EPHA6: variants seen among roughly 807,000 people sequenced by gnomAD.
EPHA6 encodes the protein EPH receptor A6, also known as ephrin type-A receptor 6.
Under a neutral mutation model 112.0 loss-of-function variants are expected in EPHA6, and 50 were observed. That is an observed-to-expected ratio of 0.45 (90% CI 0.36 to 0.56). The LOEUF (loss-of-function observed/expected upper bound fraction) is 0.56. EPHA6 is among the 20% of genes least tolerant of loss of function. EPHA6 has a pLI of 0.00. For missense variants in EPHA6, 1,280 were observed against 1,417.4 expected (o/e 0.90, Z 1.56); for synonymous variants, 529 against 490.7 (o/e 1.08, Z -1.03).
At chr3:97,064,524 C>T (rs2046120059) in intron 3 of EPHA6, among the ~76,000 whole-genome samples, 1 of 152,180 alleles carries the variant, frequency 6.6e-6, no homozygotes, top group South Asian at 2.1e-4. Context: ...TATTTTTGTT[C>T]TCTGTAATTT....
chr3:97,503,751 A>G (rs2092180679), intron 10 of EPHA6, among the ~76,000 whole-genome samples: 1 of 152,206 alleles, frequency 6.6e-6, no homozygotes, highest in Non-Finnish European at 1.5e-5. Flanking sequence ...TTCTCATTTT[A>G]TGTTAAGTAT....
intron 3 of EPHA6, among the ~76,000 whole-genome samples, chr3:97,074,246 T>C (rs1463577438): frequency 6.6e-6 from 1 of 152,046 alleles, no homozygotes; most frequent in Non-Finnish European, 1.5e-5. Flanking sequence ...ACTGACATAT[T>C]TGTATACATA....
At chr3:96,823,302 A>G (rs896355150) in intron 1 of EPHA6, among the ~76,000 whole-genome samples, 1 of 151,728 alleles carries the variant, frequency 6.6e-6, no homozygotes. Flanking sequence ...GTAGCTATAA[A>G]CATACCAATG....
At chr3:96,903,276 GC>G (rs1362735232) in intron 2 of EPHA6, among the ~76,000 whole-genome samples, 3 of 152,134 alleles carry the variant, frequency 2.0e-5, no homozygotes, top group African/African-American at 7.2e-5. Context: ...GTGCAGAGGG[GC>G]AAAGGCAAGA....
chr3:96,998,662 T>G (rs1279073742), intron 3 of EPHA6, among the ~76,000 whole-genome samples: 1 of 151,906 alleles, frequency 6.6e-6, no homozygotes, highest in Non-Finnish European at 1.5e-5. Flanking sequence ...AGGTTCTGTA[T>G]TTTTGGTTTT....
At chr3:97,737,577 G>T (rs183370095) in intron 16 of EPHA6, among the ~76,000 whole-genome samples, 5 of 152,132 alleles carry the variant, frequency 3.3e-5, no homozygotes, top group Admixed American at 3.3e-4. Flanking sequence ...ATACAAGTTG[G>T]CTGATGGTAT....
At chr3:97,313,044 A>T (rs905866193) in intron 5 of EPHA6, among the ~76,000 whole-genome samples, 2 of 151,434 alleles carry the variant, frequency 1.3e-5, no homozygotes, top group African/African-American at 4.8e-5. Context: ...GTACCCTCTG[A>T]TCAACATCTC....
At chr3:96,975,114 T>C (rs2042470501) in intron 2 of EPHA6, among the ~76,000 whole-genome samples, 1 of 152,096 alleles carries the variant, frequency 6.6e-6, no homozygotes, top group African/African-American at 2.4e-5. Flanking sequence ...GTTTGAATAA[T>C]TCCTGTGGAA....
intron 13 of EPHA6, among the ~76,000 whole-genome samples, chr3:97,611,597 G>A (rs185698649): frequency 3.2e-4 from 49 of 151,748 alleles, no homozygotes; most frequent in African/African-American, 1.1e-3. Context: ...AAAAATAAAT[G>A]CTATAGTAAA....
chr3:97,456,240 T>A (rs925399014), intron 7 of EPHA6, among the ~76,000 whole-genome samples: 1 of 152,088 alleles, frequency 6.6e-6, no homozygotes, highest in Admixed American at 6.5e-5. Flanking sequence ...GAACATTTCT[T>A]TTGTTTCTTT....
intron 3 of EPHA6, among the ~76,000 whole-genome samples, chr3:97,144,843 G>T (rs1173239615): frequency 1.3e-5 from 2 of 150,852 alleles, no homozygotes; most frequent in East Asian, 3.9e-4. Context: ...TTTCTTCTGT[G>T]GTTCTCATCT....
At chr3:96,833,256 A>T (rs532069050) in intron 1 of EPHA6, among the ~76,000 whole-genome samples, 1 of 150,578 alleles carries the variant, frequency 6.6e-6, no homozygotes, top group African/African-American at 2.4e-5. Flanking sequence ...AAGTGGAATG[A>T]CCTGTGAAGA....
chr3:97,638,697 T>C (rs942682442), intron 14 of EPHA6, among the ~76,000 whole-genome samples: 8 of 152,148 alleles, frequency 5.3e-5, no homozygotes, highest in Non-Finnish European at 1.2e-4. Context: ...TTTCTGACTG[T>C]CCTAAACCAA....
At chr3:97,139,599 G>C (rs2108348731) in intron 3 of EPHA6, among the ~76,000 whole-genome samples, 1 of 152,242 alleles carries the variant, frequency 6.6e-6, no homozygotes, top group African/African-American at 2.4e-5. Context: ...TTCATACAGA[G>C]ACTTGGCCCA....
intron 10 of EPHA6, among the ~76,000 whole-genome samples, chr3:97,519,414 A>G (rs142637456): frequency 1.2e-4 from 18 of 152,336 alleles, no homozygotes; most frequent in African/African-American, 4.1e-4. Flanking sequence ...GAAGTCAGGT[A>G]GCATGATGCC....
chr3:97,027,251 G>A (rs1168147249), intron 3 of EPHA6, among the ~76,000 whole-genome samples: 3 of 152,068 alleles, frequency 2.0e-5, no homozygotes, highest in African/African-American at 4.8e-5. Context: ...GAACACATGG[G>A]CACATACAGG....
chr3:97,393,676 G>A (rs1017536379), intron 5 of EPHA6, among the ~76,000 whole-genome samples: 3 of 151,734 alleles, frequency 2.0e-5, no homozygotes, highest in African/African-American at 7.3e-5. Context: ...GCAGGAGGAA[G>A]TAGGAAGAGT....
At chr3:97,520,953 T>C (rs1450980676) in intron 10 of EPHA6, among the ~76,000 whole-genome samples, 1 of 152,132 alleles carries the variant, frequency 6.6e-6, no homozygotes, top group Non-Finnish European at 1.5e-5. Flanking sequence ...ATTCAAGTTC[T>C]AAAATTCTTC....
At chr3:96,982,004 A>G (rs2042813735) in intron 2 of EPHA6, among the ~76,000 whole-genome samples, 1 of 152,094 alleles carries the variant, frequency 6.6e-6, no homozygotes. Flanking sequence ...TCAAAAAACC[A>G]TCCACTGGAC....
Sources: gnomAD v4.1 joint callset for allele counts (sites outside exome capture counted in the v4.1 genomes callset) on GRCh38, gnomAD v4.1.1 for gene constraint, MANE v1.5 for transcripts, NCBI Gene and HGNC (gene_info 2026-07-23, HGNC 2026-07-21) for gene names.